PDE1C: variants seen among roughly 807,000 people sequenced by gnomAD.
PDE1C encodes dual specificity calcium/calmodulin-dependent 3',5'-cyclic nucleotide phosphodiesterase 1C.
Under a neutral mutation model 93.1 loss-of-function variants are expected in PDE1C, and 62 were observed. The observed-to-expected ratio is 0.67, with a 90% CI of 0.54 to 0.82. PDE1C has a LOEUF of 0.82. Ranked by LOEUF, PDE1C falls within the 40% of genes least tolerant of loss-of-function variation. PDE1C has a pLI of 0.00. For synonymous variants in PDE1C, 325 were observed against 310.1 expected (o/e 1.05, Z -0.50); for missense variants, 742 against 884.6 (o/e 0.84, Z 2.04).
At chr7:32,108,966 C>G (rs1798496960) in intron 3 of PDE1C, among the ~76,000 whole-genome samples, 1 of 152,160 alleles carries the variant, frequency 6.6e-6, no homozygotes, top group African/African-American at 2.4e-5. Flanking sequence ...TTCATCTGGC[C>G]TTCACTCCAG....
intron 2 of PDE1C, among the ~76,000 whole-genome samples, chr7:32,006,857 C>G (rs559650675): frequency 5.8e-4 from 88 of 152,210 alleles, no homozygotes; most frequent in Non-Finnish European, 7.8e-4. Context: ...TGGAGTCACC[C>G]AAGGCAGGTC....
chr7:32,044,483 T>G (rs1031384793), intron 2 of PDE1C, among the ~76,000 whole-genome samples: 1 of 152,094 alleles, frequency 6.6e-6, no homozygotes, highest in African/African-American at 2.4e-5. Flanking sequence ...TTTGTTGCTA[T>G]TTTTCAAACA....
chr7:31,639,702 A>C, the PDE1C span, among the ~76,000 whole-genome samples: 3 of 151,626 alleles, frequency 2.0e-5, no homozygotes, highest in African/African-American at 7.3e-5. Context: ...ATGCCCGGCT[A>C]ATTTTTAGTA....
At chr7:32,387,718 C>T (rs1273502281) in intron 1 of PDE1C, among the ~76,000 whole-genome samples, 2 of 142,658 alleles carry the variant, frequency 1.4e-5, no homozygotes, top group South Asian at 2.4e-4. Flanking sequence ...GGCGGCTGGC[C>T]GGGCAGAGGG....
intron 1 of PDE1C, among the ~76,000 whole-genome samples, chr7:32,219,138 C>A (rs1806648236): frequency 6.6e-6 from 1 of 152,208 alleles, no homozygotes; most frequent in African/African-American, 2.4e-5. Context: ...ACATAATTTT[C>A]ATGCATGAGA....
At chr7:31,847,229 ACTAT>A (rs150776680) in intron 9 of PDE1C, among the ~76,000 whole-genome samples, 8,568 of 152,222 alleles carry the variant, frequency 0.056, 470 homozygotes, top group East Asian at 0.23. Flanking sequence ...AATAAATGTT[ACTAT>A]CTATTTTCAA....
chr7:32,167,850 G>A (rs1169712651), intron 3 of PDE1C, among the ~76,000 whole-genome samples: 1 of 152,100 alleles, frequency 6.6e-6, no homozygotes, highest in Non-Finnish European at 1.5e-5. Flanking sequence ...ACCCTACAGA[G>A]GAGCTGTAGG....
intron 1 of PDE1C, among the ~76,000 whole-genome samples, chr7:32,282,157 TAAAA>T (rs34769998): frequency 2.2e-5 from 3 of 134,696 alleles, no homozygotes; most frequent in Non-Finnish European, 4.9e-5. Flanking sequence ...TAAAGTATAA[TAAAA>T]AAAAAAAAAA....
intron 2 of PDE1C, among the ~76,000 whole-genome samples, chr7:31,946,491 C>T (rs1806632490): frequency 1.3e-5 from 2 of 152,164 alleles, no homozygotes; most frequent in Non-Finnish European, 2.9e-5. Flanking sequence ...CATTCCCAGG[C>T]TTATAAAATG....
At chr7:31,795,970 C>A (rs1785235209) in intron 16 of PDE1C, among the ~76,000 whole-genome samples, 2 of 151,250 alleles carry the variant, frequency 1.3e-5, no homozygotes, top group African/African-American at 2.4e-5. Context: ...TCGAAAAAAC[C>A]TTTTAGAGTT....
At chr7:31,884,122 T>C (rs924890021) in intron 2 of PDE1C, among the ~76,000 whole-genome samples, 5 of 152,122 alleles carry the variant, frequency 3.3e-5, no homozygotes, top group African/African-American at 9.7e-5. Context: ...TGGCAGACAG[T>C]GAGGGAACCT....
the PDE1C span, among the ~76,000 whole-genome samples, chr7:31,713,779 A>C: frequency 4.9e-4 from 75 of 152,162 alleles, no homozygotes; most frequent in African/African-American, 1.7e-3. Context: ...TGGGGCTTGC[A>C]CTCTCTGAAG....
chr7:31,980,876 C>T (rs1812284554), intron 2 of PDE1C, among the ~76,000 whole-genome samples: 1 of 152,330 alleles, frequency 6.6e-6, no homozygotes, highest in Admixed American at 6.5e-5. Flanking sequence ...CTCTCTTGGT[C>T]TCTGGCTCTC....
chr7:32,019,331 T>C (rs184022743), intron 2 of PDE1C, among the ~76,000 whole-genome samples: 1 of 152,176 alleles, frequency 6.6e-6, no homozygotes, highest in Admixed American at 6.6e-5. Flanking sequence ...GCAGAAGGAA[T>C]GTGCAAGGGA....
the PDE1C span, among the ~76,000 whole-genome samples, chr7:31,706,600 T>C: frequency 1.3e-5 from 2 of 152,180 alleles, no homozygotes; most frequent in African/African-American, 4.8e-5. Context: ...AAATGGCATG[T>C]CCAGAGCCTG....
At chr7:31,976,646 T>C (rs923568899) in intron 2 of PDE1C, among the ~76,000 whole-genome samples, 6 of 151,464 alleles carry the variant, frequency 4.0e-5, no homozygotes, top group African/African-American at 1.5e-4. Flanking sequence ...CTGCCACCAC[T>C]CTGGTCTACA....
chr7:31,867,228 C>A (rs375794817), intron 6 of PDE1C, among the ~76,000 whole-genome samples: 297 of 152,204 alleles, frequency 2.0e-3, no homozygotes, highest in African/African-American at 6.6e-3. Context: ...CAAAACCCCC[C>A]ACCTGCAGCA....
chr7:31,947,120 G>A (rs1806725841), intron 2 of PDE1C, among the ~76,000 whole-genome samples: 1 of 152,096 alleles, frequency 6.6e-6, no homozygotes, highest in Non-Finnish European at 1.5e-5. Flanking sequence ...GTGTCTTTCA[G>A]CAATTTCAGC....
At chr7:32,082,477 A>G (rs1796748804) in intron 3 of PDE1C, among the ~76,000 whole-genome samples, 2 of 152,264 alleles carry the variant, frequency 1.3e-5, no homozygotes, top group Admixed American at 1.3e-4. Context: ...CTGCAGACTT[A>G]AATGTCCCTG....
Sources: gnomAD v4.1 joint callset for allele counts (sites outside exome capture counted in the v4.1 genomes callset) on GRCh38, gnomAD v4.1.1 for gene constraint, MANE v1.5 for transcripts, NCBI Gene and HGNC (gene_info 2026-07-23, HGNC 2026-07-21) for gene names.